Variants in TMEM131L observed in about 807,000 individuals in gnomAD.
The protein encoded by TMEM131L is transmembrane protein 131-like.
TMEM131L carries 54 observed loss-of-function variants against 192.2 expected under a neutral mutation model. That is an observed-to-expected ratio of 0.28 (90% confidence interval 0.23 to 0.35). The LOEUF (loss-of-function observed/expected upper bound fraction) is 0.35. Among genes scored for constraint, TMEM131L ranks in the 10% least tolerant of loss-of-function variants. The probability of loss-of-function intolerance (pLI) is 1.00; values close to 1 mark genes in which losing one functional copy is unlikely to be tolerated. For missense variants in TMEM131L, 1,888 were observed against 1,972.9 expected (o/e 0.96, Z 0.82); for synonymous variants, 701 against 704.9 (o/e 0.99, Z 0.09).
intron 3 of TMEM131L, among the ~76,000 whole-genome samples, chr4:153,514,147 C>T (rs530494590): frequency 6.6e-6 from 1 of 152,254 alleles, no homozygotes; most frequent in Admixed American, 6.5e-5. Context: ...CCTGGGTGAC[C>T]GTAGCCAATT....
intron 25 of TMEM131L, among the ~76,000 whole-genome samples, chr4:153,611,689 C>T (rs889421858): frequency 1.3e-5 from 2 of 152,124 alleles, no homozygotes; most frequent in Admixed American, 6.5e-5. Context: ...TCTATGAATT[C>T]GATTACTCTA....
At position 153,580,917 on chromosome 4, in the gene TMEM131L, T is replaced by C. The variant is rs953148145; in HGVS notation, c.738+14T>C. On this transcript the variant is annotated intron_variant, in intron 8 of 34. Coordinates refer to ENST00000409959, the MANE Select transcript of TMEM131L (RefSeq NM_001131007.2). ...CAGCAATTAAAGGTAAAATAAAATGTGTAGTGTTTTCTCTCTGCTTTCCTC... is the reference window on the plus strand; with the variant it reads ...CAGCAATTAAAGGTAAAATAAAATGCGTAGTGTTTTCTCTCTGCTTTCCTC... 4.5e-6 allele frequency: 7 copies of C among 1,546,484 alleles called. No individual in the cohort carries two copies. The highest frequency in any genetic ancestry group is 3.4e-4 in the Middle Eastern group (2 of 5,898).
intron 3 of TMEM131L, among the ~76,000 whole-genome samples, chr4:153,541,209 A>G (rs1736753944): frequency 6.6e-6 from 1 of 152,210 alleles, no homozygotes; most frequent in South Asian, 2.1e-4. Flanking sequence ...ATGTGAGCTT[A>G]ATTGCTGGCC....
chr4:153,586,920 T>C (rs2150789603), intron 14 of TMEM131L, among the ~76,000 whole-genome samples: 1 of 152,316 alleles, frequency 6.6e-6, no homozygotes, highest in East Asian at 1.9e-4. Flanking sequence ...TTCTTTAATA[T>C]TTATTTCTTT....
chr4:153,626,714 A>G (rs1003655813), intron 30 of TMEM131L, among the ~76,000 whole-genome samples: 14 of 152,238 alleles, frequency 9.2e-5, no homozygotes, highest in Admixed American at 7.9e-4. Context: ...GCAATGAGCT[A>G]TGATCACACC....
chr4:153,469,276 A>C (rs927698521), intron 2 of TMEM131L, among the ~76,000 whole-genome samples: 1 of 139,114 alleles, frequency 7.2e-6, no homozygotes, highest in Non-Finnish European at 1.5e-5. Flanking sequence ...TTTAGAAACT[A>C]TCTTGCCCTG....
At chr4:153,504,747 A>G (rs572341640) in intron 3 of TMEM131L, among the ~76,000 whole-genome samples, 2 of 152,376 alleles carry the variant, frequency 1.3e-5, no homozygotes, top group Admixed American at 1.3e-4. Context: ...TTGCTTTCAC[A>G]GAAAGACTTT....
intron 26 of TMEM131L, among the ~76,000 whole-genome samples, chr4:153,618,476 CAA>C (rs10669791): frequency 8.0e-5 from 8 of 99,416 alleles, no homozygotes; most frequent in African/African-American, 1.6e-4. Context: ...ACCCTGTCTC[CAA>C]AAAAAAAAAA....
chr4:153,473,857 G>A lies in TMEM131L; in HGVS notation c.208G>A (p.Glu70Lys). The change falls in exon 3 of 35, where the codon GAG becomes AAG. Residue 70 changes from glutamate (E) to lysine (K), a missense_variant. Glu to Lys is a moderately conservative substitution (Grantham distance 56). Coordinates refer to ENST00000409959, the MANE Select transcript of TMEM131L (RefSeq NM_001131007.2). ...TCTTTTTCAATAGGGTGATTCTGAA[G>A]AGGGTCTGGAGGAGCCTTCTCAAGA... ...LLLPTQGDSE[E>K]GLEEPSQEQS... 1 of 1,544,614 alleles carries A rather than the reference G, an allele frequency of 6.5e-7. No individual in the cohort carries two copies. Among genetic ancestry groups the A allele is most frequent in the Middle Eastern group, 1.7e-4 (1 of 5,978 alleles).
chr4:153,571,246 G>A (rs948916445), intron 7 of TMEM131L, among the ~76,000 whole-genome samples: 1 of 152,096 alleles, frequency 6.6e-6, no homozygotes. Context: ...GCCCAGGCTC[G>A]GTTTATCTTG....
At chr4:153,597,916 G>A (rs1731556314) in intron 20 of TMEM131L, among the ~76,000 whole-genome samples, 1 of 152,010 alleles carries the variant, frequency 6.6e-6, no homozygotes, top group Non-Finnish European at 1.5e-5. Flanking sequence ...CTGAGTGGCA[G>A]AGCAACATCC....
intron 3 of TMEM131L, among the ~76,000 whole-genome samples, chr4:153,493,137 G>A (rs1732904046): frequency 6.6e-6 from 1 of 151,924 alleles, no homozygotes; most frequent in South Asian, 2.1e-4. Flanking sequence ...ACAAGGTCAG[G>A]AGATCGAGAC....
At chr4:153,502,628 C>A (rs534175194) in intron 3 of TMEM131L, among the ~76,000 whole-genome samples, 1 of 152,368 alleles carries the variant, frequency 6.6e-6, no homozygotes, top group South Asian at 2.1e-4. Context: ...TTCAGTTTAA[C>A]ATTACTTTGA....
chr4:153,625,898 A>G (rs1733809292), intron 29 of TMEM131L, among the ~76,000 whole-genome samples: 1 of 152,084 alleles, frequency 6.6e-6, no homozygotes, highest in Non-Finnish European at 1.5e-5. Context: ...ACAGAGTGAG[A>G]CTCTGTCTCA....
chr4:153,472,349 C>T (rs1444711218), intron 2 of TMEM131L, among the ~76,000 whole-genome samples: 1 of 151,910 alleles, frequency 6.6e-6, no homozygotes, highest in Non-Finnish European at 1.5e-5. Flanking sequence ...GGTAAAGTTT[C>T]TGTGTCTGAG....
Position 153,622,882 on chromosome 4 carries a change from C to A in TMEM131L, c.3860-16C>A. 1 of 1,613,808 alleles carries A rather than the reference C, an allele frequency of 6.2e-7. No individual in the cohort carries two copies. Among genetic ancestry groups the A allele is most frequent in the South Asian group, 1.1e-5 (1 of 91,030 alleles). On this transcript the variant is annotated splice_polypyrimidine_tract_variant and intron_variant, in intron 28 of 34. Coordinates refer to ENST00000409959, the MANE Select transcript of TMEM131L (RefSeq NM_001131007.2). ...CAGTTGTTTCAGGGAAACATGACTC[C>A]TTTCACTTCCTCCAGAAGGTTACTA... is the stretch of plus-strand genomic sequence containing the variant.
chr4:153,507,145 A>G (rs1734047981), intron 3 of TMEM131L, among the ~76,000 whole-genome samples: 2 of 152,188 alleles, frequency 1.3e-5, no homozygotes, highest in Non-Finnish European at 2.9e-5. Context: ...AGAGCCTTGA[A>G]CAACACCACG....
chr4:153,515,651 A>G (rs1332150365), intron 3 of TMEM131L, among the ~76,000 whole-genome samples: 2 of 152,214 alleles, frequency 1.3e-5, no homozygotes, highest in Admixed American at 1.3e-4. Context: ...AGGAACTGCC[A>G]AATTGTTTTC....
At chr4:153,563,320 G>A (rs189548031) in intron 7 of TMEM131L, among the ~76,000 whole-genome samples, 10 of 152,272 alleles carry the variant, frequency 6.6e-5, no homozygotes, top group Admixed American at 2.6e-4. Context: ...TTAAAAGATC[G>A]TTATGAGTTA....
Sources: allele counts gnomAD v4.1 joint callset (sites outside exome capture counted in the v4.1 genomes callset), GRCh38; gene constraint gnomAD v4.1.1; transcripts MANE v1.5; gene names NCBI Gene and HGNC (gene_info 2026-07-23, HGNC 2026-07-21).